TUBGCP5: variants seen among roughly 807,000 people sequenced by gnomAD.
TUBGCP5 encodes tubulin gamma complex component 5.
A neutral mutation model predicts 134.7 loss-of-function variants in TUBGCP5; 98 were observed. The observed-to-expected ratio is 0.73, with a 90% CI of 0.62 to 0.86. TUBGCP5 has a LOEUF of 0.86. TUBGCP5 is among the 40% of genes least tolerant of loss of function. The pLI is 0.00. For synonymous variants in TUBGCP5, 456 were observed against 431.4 expected, an observed-to-expected ratio of 1.06 and a Z score of -0.71; for missense variants, 1,150 against 1,244.8, an observed-to-expected ratio of 0.92 and a Z score of 1.15.
intron 11 of TUBGCP5, among the ~76,000 whole-genome samples, chr15:23,020,692 A>G (rs1000676660): frequency 6.6e-6 from 1 of 152,166 alleles, no homozygotes; most frequent in African/African-American, 2.4e-5. Flanking sequence ...ATACCCAACT[A>G]AGACTGTAGC....
intron 19 of TUBGCP5, among the ~76,000 whole-genome samples, chr15:23,004,902 ACTGTC>A (rs1159709766): frequency 1.3e-5 from 2 of 152,218 alleles, no homozygotes; most frequent in Admixed American, 1.3e-4. Context: ...CCAAATGCAT[ACTGTC>A]CTCTAATAAT....
intron 23 of TUBGCP5, among the ~76,000 whole-genome samples, chr15:22,988,510 T>G (rs113338841): frequency 0.13 from 19,015 of 151,198 alleles, 1,379 homozygotes; most frequent in African/African-American, 0.18. Flanking sequence ...AAGGCGGGCG[T>G]ATCACGAGGT....
intron 16 of TUBGCP5, among the ~76,000 whole-genome samples, chr15:23,006,729 T>C (rs576580732): frequency 3.1e-4 from 47 of 152,176 alleles, no homozygotes; most frequent in Admixed American, 2.6e-3. Context: ...GAGCCGAGCA[T>C]GTGGTGAGAG....
chr15:23,037,131 G>A lies in TUBGCP5; in HGVS notation c.168C>T (p.Val56=), dbSNP rs767377928. ...TTGTTTTTTCTATTTTGTGGCTGTT[G>A]ACATCCAAGAAACGATGAAATCTAT... ...SNFRFHRFLD[V]NSHKIEKTIE... Residue 56 remains valine (V), a synonymous_variant, in exon 2 of 23, where the codon GTC becomes GTT. Transcript: ENST00000615383. 1.2e-6 allele frequency: 2 copies of A among 1,613,382 alleles called. No homozygotes were observed. Among genetic ancestry groups the A allele is most frequent in the African/African-American group, 2.7e-5 (2 of 74,858 alleles).
chr15:23,015,017 C>T (rs953217103), intron 13 of TUBGCP5, among the ~76,000 whole-genome samples: 4 of 152,178 alleles, frequency 2.6e-5, no homozygotes, highest in Non-Finnish European at 4.4e-5. Context: ...GGCCAAACCA[C>T]TGTGTACATG....
intron 6 of TUBGCP5, among the ~76,000 whole-genome samples, chr15:23,029,958 G>A (rs999576341): frequency 6.6e-5 from 10 of 152,314 alleles, no homozygotes; most frequent in South Asian, 2.1e-4. Flanking sequence ...ACTTTGGGAC[G>A]CAGAGGCGGA....
At chr15:23,033,526 C>T (rs1035228587) in intron 3 of TUBGCP5, among the ~76,000 whole-genome samples, 36 of 152,190 alleles carry the variant, frequency 2.4e-4, no homozygotes, top group Non-Finnish European at 5.1e-4. Context: ...ATCCGCCCAC[C>T]TTGGCCTCCC....
At chr15:22,997,774 C>T (rs970270083), downstream of TUBGCP5, among the ~76,000 whole-genome samples, 25 of 151,644 alleles carry the variant, frequency 1.6e-4, no homozygotes, top group Non-Finnish European at 3.2e-4. Context: ...TGTGCCACCA[C>T]GCCCAGCTAA....
chr15:23,004,161 T>C lies in TUBGCP5; in HGVS notation c.2779A>G (p.Ile927Val). ...GACAGATACCTATAGTGAATTTTAA[T>C]CAATTGATCTAAATCCTTGGCTTCC... ...VEEAKDLDQL[I>V]KIHYRYLSTI... Residue 927 changes from isoleucine to valine, a missense_variant, in exon 20 of 23, where the codon ATT (isoleucine) becomes GTT (valine). Coordinates refer to ENST00000615383, the MANE Select transcript of TUBGCP5 (RefSeq NM_052903.6). The C allele has an allele frequency of 1.2e-6, 2 of 1,613,446 alleles. No homozygotes were observed. The highest frequency in any genetic ancestry group is 1.6e-4 in the Middle Eastern group (1 of 6,062).
chr15:23,005,337 G>T, intron 19 of TUBGCP5, 95 bp downstream of exon 19: 1 of 1,406,184 alleles, frequency 7.1e-7, no homozygotes, highest in Non-Finnish European at 9.6e-7. Flanking sequence ...ACAGTCTGTA[G>T]GTATTTTTTA....
At chr15:23,035,367 C>G in intron 3 of TUBGCP5, among the ~76,000 whole-genome samples, 1 of 150,502 alleles carries the variant, frequency 6.6e-6, no homozygotes, top group East Asian at 2.0e-4. Context: ...GTTATTGCTA[C>G]ACCACACAGC....
At chr15:22,989,293 C>G (rs1723011735) in intron 23 of TUBGCP5, among the ~76,000 whole-genome samples, 1 of 152,196 alleles carries the variant, frequency 6.6e-6, no homozygotes, top group African/African-American at 2.4e-5. Flanking sequence ...TCAGTGTCCT[C>G]TAACCCATTG....
chr15:22,984,216 T>C (rs1567070715), intron 23 of TUBGCP5, among the ~76,000 whole-genome samples: 1 of 152,226 alleles, frequency 6.6e-6, no homozygotes, highest in Non-Finnish European at 1.5e-5. Context: ...GAATTATCTA[T>C]AGAAATGAGA....
Position 23,005,473 on chromosome 15 carries a change from T to G in TUBGCP5, c.2671A>C (p.Met891Leu). 1 of 1,614,204 alleles carries G rather than the reference T, an allele frequency of 6.2e-7. No homozygotes were observed. Among genetic ancestry groups the G allele is most frequent in the Non-Finnish European group, 8.5e-7 (1 of 1,180,036 alleles). Reference protein sequence around the residue: ...HRMFLLRVKLMHFVNSLHNYI... With the variant: ...HRMFLLRVKLLHFVNSLHNYI... ...TTGTGCAAGCTGTTCACGAAATGCA[T>G]GAGCTTCACTCTTAAGAGGAACATG... Residue 891 changes from methionine (M) to leucine (L), a missense_variant, in exon 19 of 23, where the codon ATG becomes CTG. Met to Leu is a conservative substitution (Grantham distance 15, BLOSUM62 2). Coordinates refer to ENST00000615383, the MANE Select transcript of TUBGCP5 (RefSeq NM_052903.6).
At chr15:23,021,849 C>T (rs2065714840) in intron 11 of TUBGCP5, 110 bp downstream of exon 11, 3 of 1,187,890 alleles carry the variant, frequency 2.5e-6, no homozygotes, top group Admixed American at 4.0e-5. Flanking sequence ...AAACTCTGAA[C>T]TGTCTGACGA....
At chr15:23,026,728 T>C (rs2066004587) in intron 7 of TUBGCP5, among the ~76,000 whole-genome samples, 1 of 150,848 alleles carries the variant, frequency 6.6e-6, no homozygotes, top group South Asian at 2.1e-4. Flanking sequence ...AGGACAGGAG[T>C]TCAAGACCAG....
rs772107072 is a variant in TUBGCP5, at chr15:23,037,005, T to C, written c.201A>G (p.Gly67=). Residue 67 remains glycine (G), a splice_region_variant and synonymous_variant, in exon 3 of 23, where the codon GGA becomes GGG. Transcript: ENST00000615383. ...AATGAATGACAAATTTTTCATAAATTCTAAAATATAAGAAAAGATTATAAA... is the reference window on the plus strand; with the variant it reads ...AATGAATGACAAATTTTTCATAAATCCTAAAATATAAGAAAAGATTATAAA... ...NSHKIEKTIE[G]IYEKFVIHSD... 1.9e-6 allele frequency: 3 copies of C among 1,595,370 alleles called. No individual in the cohort carries two copies. Among genetic ancestry groups the C allele is most frequent in the Admixed American group, 3.5e-5 (2 of 56,650 alleles).
At chr15:23,000,143 C>T in intron 22 of TUBGCP5, 2 of 672,990 alleles carry the variant, frequency 3.0e-6, no homozygotes, top group South Asian at 3.4e-5. Flanking sequence ...AACTCCTGAC[C>T]TTAAGTGATT....
chr15:23,012,922 G>A lies in TUBGCP5; in HGVS notation c.1757-1591C>T, dbSNP rs374783841. On this transcript the variant is annotated intron_variant, in intron 13 of 22. Transcript: ENST00000615383. ...TCAAGACCAGCTTGGCCAACATGGT[G>A]AAACCCCATCTCTACTAAAAACACA... is the stretch of plus-strand genomic sequence containing the variant. 2.0e-5 allele frequency among the ~76,000 whole-genome samples: 3 copies of A among 152,104 alleles called. No homozygotes were observed. In the East Asian group the frequency reaches 5.8e-4, roughly 30 times the overall value.
Sources: gnomAD v4.1 joint callset for allele counts (sites outside exome capture counted in the v4.1 genomes callset) on GRCh38, gnomAD v4.1.1 for gene constraint, MANE v1.5 for transcripts, NCBI Gene and HGNC (gene_info 2026-07-23, HGNC 2026-07-21) for gene names.